Variants in CDH23 observed in about 807,000 individuals in gnomAD.
The protein encoded by CDH23 is cadherin related 23.
A neutral mutation model predicts 317.1 loss-of-function variants in CDH23; 189 were observed. The observed-to-expected ratio is 0.60, with a 90% CI of 0.53 to 0.67. The LOEUF (loss-of-function observed/expected upper bound fraction) is 0.67. Ranked by LOEUF, CDH23 falls within the 30% of genes least tolerant of loss-of-function variation. The pLI, the probability that CDH23 is intolerant of heterozygous loss-of-function variation, is 0.00. For synonymous variants in CDH23, 1,839 were observed against 1,876.8 expected (o/e 0.98, Z 0.52); for missense variants, 4,401 against 4,592.4 (o/e 0.96, Z 1.20).
chr10:71,570,939 T>G (rs1221933068), intron 8 of CDH23, 21 bp downstream of exon 8: 2 of 1,612,830 alleles, frequency 1.2e-6, no homozygotes, highest in East Asian at 4.5e-5. Flanking sequence ...TGGCCCTTCC[T>G]TCTCAGAAGT....
At chr10:71,682,760 G>A (rs1221104091) in intron 18 of CDH23, among the ~76,000 whole-genome samples, 188 bp downstream of exon 18, 1 of 152,090 alleles carries the variant, frequency 6.6e-6, no homozygotes, top group Non-Finnish European at 1.5e-5. Flanking sequence ...CAACTTCACT[G>A]CCTCCCCGCT....
chr10:71,646,997 G>A (rs1862925990), intron 14 of CDH23: 1 of 985,328 alleles, frequency 1.0e-6, no homozygotes, highest in African/African-American at 1.7e-5. Flanking sequence ...CACCAGAGAG[G>A]GGCAGGCGCC....
chr10:71,767,963 C>T (rs1840595473), intron 38 of CDH23, among the ~76,000 whole-genome samples: 1 of 152,152 alleles, frequency 6.6e-6, no homozygotes, highest in African/African-American at 2.4e-5. Flanking sequence ...CCCGTGGATG[C>T]TTCTGTGGAT....
chr10:71,541,780 A>T (rs144228608), intron 6 of CDH23, among the ~76,000 whole-genome samples: 4 of 152,250 alleles, frequency 2.6e-5, no homozygotes, highest in African/African-American at 9.6e-5. Flanking sequence ...CTTTCTTGTG[A>T]TACAAAAGCA....
In CDH23 at chr10:71,417,099, G is replaced by A. The variant is rs551058622; in HGVS notation, c.-6+19781G>A. ...TTTCTTTTTTTTTTTAAATTGAGACGGAGTCTGGCTCTGTCACCCAGGCTG... is the reference window on the plus strand; with the variant it reads ...TTTCTTTTTTTTTTTAAATTGAGACAGAGTCTGGCTCTGTCACCCAGGCTG... On this transcript the variant is annotated intron_variant, in intron 1 of 69. Transcript: ENST00000224721. Among the ~76,000 whole-genome samples, 448 of 140,600 alleles carry A rather than the reference G, an allele frequency of 3.2e-3. 2 individuals carry two copies. The highest frequency in any genetic ancestry group is 7.2e-3 in the Admixed American group (98 of 13,542). 92.2% of individuals were successfully genotyped at this position (140,600 alleles called of 152,430 possible). A position where few individuals can be genotyped will look rare whatever the true frequency, so the allele number is the denominator to read the frequency against.
intron 22 of CDH23, 135 bp from the exon 23 acceptor site, chr10:71,701,887 G>T: frequency 1.1e-6 from 1 of 875,802 alleles, no homozygotes; most frequent in South Asian, 1.6e-5. Flanking sequence ...GGCCCAGCGG[G>T]GATGCCCACT....
At chr10:71,658,555 G>A (rs1178630859) in intron 14 of CDH23, among the ~76,000 whole-genome samples, 1 of 152,238 alleles carries the variant, frequency 6.6e-6, no homozygotes, top group Non-Finnish European at 1.5e-5. Context: ...CTCTGTCTGC[G>A]GCTAATCTTT....
chr10:71,796,799 T>G, intron 48 of CDH23: 1 of 291,582 alleles, frequency 3.4e-6, no homozygotes. Context: ...AGTAGGGTAT[T>G]GAGAAAAGGA....
intron 20 of CDH23, among the ~76,000 whole-genome samples, chr10:71,691,775 C>A (rs1372580903): frequency 6.6e-6 from 1 of 152,222 alleles, no homozygotes; most frequent in Non-Finnish European, 1.5e-5. Context: ...CTGGCCATCC[C>A]TGCTGCAGGT....
At chr10:71,502,645 G>A (rs1853401700) in intron 3 of CDH23, among the ~76,000 whole-genome samples, 2 of 152,232 alleles carry the variant, frequency 1.3e-5, no homozygotes, top group Admixed American at 6.5e-5. Context: ...CAGGGGTGCA[G>A]AGGGAAATGT....
intron 6 of CDH23, among the ~76,000 whole-genome samples, chr10:71,536,663 T>C (rs571745919): frequency 2.0e-4 from 30 of 152,254 alleles, no homozygotes; most frequent in African/African-American, 6.3e-4. Context: ...TGGAAATCCA[T>C]TGCTGATATT....
intron 6 of CDH23, among the ~76,000 whole-genome samples, chr10:71,552,045 T>C (rs1373853554): frequency 6.6e-6 from 1 of 152,188 alleles, no homozygotes; most frequent in Non-Finnish European, 1.5e-5. Context: ...CTGGCAATAA[T>C]GAAGTTTCCT....
intron 9 of CDH23, among the ~76,000 whole-genome samples, chr10:71,590,691 C>T (rs75322598): frequency 1.1e-3 from 168 of 152,130 alleles, no homozygotes; most frequent in African/African-American, 4.0e-3. Context: ...CCCTGGGATG[C>T]TTTCAGTCCT....
At chr10:71,812,183 G>A (rs1246901902) in intron 66 of CDH23, 168 bp downstream of exon 66, 5 of 1,581,258 alleles carry the variant, frequency 3.2e-6, no homozygotes, top group Middle Eastern at 1.7e-4. Context: ...CAGAAACCAC[G>A]TGGCTGACAG....
chr10:71,811,485 G>A, intron 63 of CDH23, 26 bp from the exon 64 acceptor site: 1 of 1,613,882 alleles, frequency 6.2e-7, no homozygotes, highest in Admixed American at 1.7e-5. Context: ...CCACTGCCCG[G>A]GCTTACCCTG....
intron 11 of CDH23, among the ~76,000 whole-genome samples, chr10:71,631,265 A>G (rs1183731247): frequency 1.3e-5 from 2 of 152,148 alleles, no homozygotes; most frequent in Non-Finnish European, 1.5e-5. Context: ...ATGAATAAAT[A>G]AAGCCACCGC....
rs567964135 is a variant in CDH23, at chr10:71,457,348, C to G, written c.145+10953C>G. 5.9e-5 allele frequency among the ~76,000 whole-genome samples: 9 copies of G among 152,338 alleles called. No homozygotes were observed. In the South Asian group the frequency reaches 1.9e-3, roughly 32 times the overall value. On this transcript the variant is annotated intron_variant, in intron 3 of 69. Transcript: ENST00000224721. ...TTACAGTGATGACAGGAAATCTGTT[C>G]TAGTACGATCACCTTGTTCCAGGCT...
intron 38 of CDH23, among the ~76,000 whole-genome samples, chr10:71,759,141 G>A (rs1053100919): frequency 2.6e-5 from 4 of 151,978 alleles, no homozygotes; most frequent in Non-Finnish European, 4.4e-5. Flanking sequence ...GGGTTCAAGC[G>A]ATTCTCTTGC....
At chr10:71,677,873 C>CTCCT (rs1274956312) in intron 16 of CDH23, among the ~76,000 whole-genome samples, 180 bp downstream of exon 16, 1 of 152,174 alleles carries the variant, frequency 6.6e-6, no homozygotes, top group African/African-American at 2.4e-5. Flanking sequence ...TCAAGCAATC[C>CTCCT]TCCTGTCTCT....
Sources: allele counts gnomAD v4.1 joint callset (sites outside exome capture counted in the v4.1 genomes callset), GRCh38; gene constraint gnomAD v4.1.1; transcripts MANE v1.5; gene names NCBI Gene and HGNC (gene_info 2026-07-23, HGNC 2026-07-21).